The following CNTN4 variants were observed in gnomAD, a reference collection of about 807,000 sequenced individuals.
CNTN4 encodes the protein contactin-4.
CNTN4 carries 77 observed loss-of-function variants against 122.5 expected under a neutral mutation model. The observed-to-expected ratio is 0.63, with a 90% CI of 0.52 to 0.76. CNTN4 has a LOEUF of 0.76. Among genes scored for constraint, CNTN4 ranks in the 30% least tolerant of loss-of-function variants. The probability of loss-of-function intolerance (pLI) is 0.00; values close to 1 mark genes in which losing one functional copy is unlikely to be tolerated. For synonymous variants in CNTN4, 512 were observed against 447.0 expected (o/e 1.15, Z -1.83); for missense variants, 1,256 against 1,259.1 (o/e 1.00, Z 0.04).
chr3:2,568,693 A>G (rs1471389658), intron 3 of CNTN4, among the ~76,000 whole-genome samples: 1 of 152,190 alleles, frequency 6.6e-6, no homozygotes, highest in Non-Finnish European at 1.5e-5. Flanking sequence ...TGCTTTGGTT[A>G]CCACTGCCCA....
At chr3:2,320,409 T>A (rs998123834) in intron 2 of CNTN4, among the ~76,000 whole-genome samples, 2 of 152,178 alleles carry the variant, frequency 1.3e-5, no homozygotes, top group African/African-American at 4.8e-5. Flanking sequence ...AATTTGTGAT[T>A]TTTATTTAAA....
At chr3:2,931,874 C>T (rs546081097) in intron 13 of CNTN4, among the ~76,000 whole-genome samples, 1 of 152,250 alleles carries the variant, frequency 6.6e-6, no homozygotes, top group African/African-American at 2.4e-5. Flanking sequence ...TCTTGAATTC[C>T]TGGCCTTAAG....
At chr3:2,180,831 A>C (rs943305378) in intron 2 of CNTN4, among the ~76,000 whole-genome samples, 7 of 152,246 alleles carry the variant, frequency 4.6e-5, no homozygotes, top group East Asian at 3.9e-4. Context: ...TTTACCTTGG[A>C]TTGAAGAATC....
chr3:2,465,780 C>G (rs899357585), intron 3 of CNTN4, among the ~76,000 whole-genome samples: 19 of 152,150 alleles, frequency 1.2e-4, no homozygotes, highest in Non-Finnish European at 1.5e-5. Flanking sequence ...AGCTTGAAAC[C>G]TCTCAGTTTC....
chr3:2,741,980 C>T (rs1195401388), intron 5 of CNTN4, among the ~76,000 whole-genome samples: 1 of 152,192 alleles, frequency 6.6e-6, no homozygotes, highest in Admixed American at 6.5e-5. Flanking sequence ...GCCTTTATGC[C>T]TTTGGCAGTG....
intron 3 of CNTN4, among the ~76,000 whole-genome samples, chr3:2,557,341 C>G (rs1325226861): frequency 6.6e-6 from 1 of 152,184 alleles, no homozygotes; most frequent in Non-Finnish European, 1.5e-5. Context: ...GGAGCTTACG[C>G]TAGTAGTAAA....
chr3:2,408,689 T>G (rs952062711), intron 3 of CNTN4, among the ~76,000 whole-genome samples: 1 of 152,192 alleles, frequency 6.6e-6, no homozygotes, highest in Non-Finnish European at 1.5e-5. Flanking sequence ...ATATGTGCTA[T>G]CTCATAACTC....
chr3:2,878,545 G>C (rs375443455), intron 8 of CNTN4, among the ~76,000 whole-genome samples: 13 of 135,914 alleles, frequency 9.6e-5, no homozygotes, highest in African/African-American at 3.7e-4. Context: ...CAACAGAAGA[G>C]ATGCTCTCTG....
intron 6 of CNTN4, among the ~76,000 whole-genome samples, chr3:2,782,469 GT>G (rs2091638214): frequency 6.1e-5 from 2 of 32,932 alleles, no homozygotes; most frequent in African/African-American, 2.5e-4. Flanking sequence ...CTTATTCTGT[GT>G]GTGTGTGTGT....
chr3:2,141,342 G>A (rs779430431), intron 2 of CNTN4, among the ~76,000 whole-genome samples: 1 of 152,262 alleles, frequency 6.6e-6, no homozygotes, highest in East Asian at 1.9e-4. Context: ...AGAGGGGCAG[G>A]AGTTGTGATT....
intron 2 of CNTN4, among the ~76,000 whole-genome samples, chr3:2,124,201 G>A (rs953452018): frequency 1.3e-5 from 2 of 152,122 alleles, no homozygotes; most frequent in African/African-American, 4.8e-5. Flanking sequence ...TGAGAGTGAG[G>A]GGAAGGGATT....
intron 7 of CNTN4, among the ~76,000 whole-genome samples, chr3:2,825,023 T>A (rs2150317287): frequency 6.6e-6 from 1 of 152,278 alleles, no homozygotes; most frequent in Non-Finnish European, 1.5e-5. Flanking sequence ...CTTTATATGT[T>A]TTTGTTCATA....
At chr3:2,585,645 C>G (rs1424052537) in intron 4 of CNTN4, among the ~76,000 whole-genome samples, 1 of 143,072 alleles carries the variant, frequency 7.0e-6, no homozygotes, top group Non-Finnish European at 1.5e-5. Context: ...ACAATGAGAA[C>G]ACATGGACAC....
At chr3:2,191,998 T>C (rs919481996) in intron 2 of CNTN4, among the ~76,000 whole-genome samples, 6 of 152,012 alleles carry the variant, frequency 3.9e-5, no homozygotes, top group African/African-American at 7.3e-5. Context: ...TTTGTCCTTG[T>C]GATGGTTTGC....
intron 3 of CNTN4, among the ~76,000 whole-genome samples, chr3:2,471,015 A>G (rs2075666564): frequency 6.6e-6 from 1 of 152,234 alleles, no homozygotes. Context: ...AAGACTCTGT[A>G]TACATTATTG....
chr3:2,878,578 TG>T, intron 8 of CNTN4, among the ~76,000 whole-genome samples: 1 of 151,938 alleles, frequency 6.6e-6, no homozygotes. Flanking sequence ...TGTGTGTGTG[TG>T]TGTGTGTGTG....
intron 4 of CNTN4, among the ~76,000 whole-genome samples, chr3:2,660,220 T>TA (rs11384349): frequency 0.5 from 75,698 of 149,952 alleles, 21,121 homozygotes; most frequent in African/African-American, 0.76. Flanking sequence ...TATAAATGAT[T>TA]AAAAAAAAAA....
At chr3:2,125,330 C>CTCTGTGTGTG (rs138301374) in intron 2 of CNTN4, among the ~76,000 whole-genome samples, 46 of 143,472 alleles carry the variant, frequency 3.2e-4, no homozygotes, top group Middle Eastern at 3.6e-3. Context: ...ATTCTATTCT[C>CTCTGTGTGTG]TGTGTGTGTG....
intron 3 of CNTN4, among the ~76,000 whole-genome samples, chr3:2,398,275 C>T (rs2046712138): frequency 3.9e-5 from 6 of 152,022 alleles, no homozygotes; most frequent in Admixed American, 3.9e-4. Flanking sequence ...ATTTATGACT[C>T]ATTAAAACAA....
Sources: gnomAD v4.1 joint callset for allele counts (sites outside exome capture counted in the v4.1 genomes callset) on GRCh38, gnomAD v4.1.1 for gene constraint, MANE v1.5 for transcripts, NCBI Gene and HGNC (gene_info 2026-07-23, HGNC 2026-07-21) for gene names.